MYT1: variants seen among roughly 807,000 people sequenced by gnomAD.
MYT1 encodes the protein myelin transcription factor 1.
Under a neutral mutation model 123.0 loss-of-function variants are expected in MYT1, and 23 were observed. The observed-to-expected ratio is 0.19, with a 90% CI of 0.13 to 0.26. The LOEUF (loss-of-function observed/expected upper bound fraction) is 0.26, where lower values mean the gene tolerates loss of function less well. Among genes scored for constraint, MYT1 ranks in the 10% least tolerant of loss-of-function variants. The pLI is 1.00. For missense variants in MYT1, 1,125 were observed against 1,472.5 expected, an observed-to-expected ratio of 0.76 and a Z score of 3.86; for synonymous variants, 518 against 575.3, an observed-to-expected ratio of 0.90 and a Z score of 1.43.
chr20:64,211,803 G>A (rs1017704656), intron 8 of MYT1, among the ~76,000 whole-genome samples: 16 of 152,218 alleles, frequency 1.1e-4, no homozygotes, highest in Non-Finnish European at 1.5e-4. Context: ...TCTGCCGCAG[G>A]AGGGAGGGAC....
Position 64,205,784 on chromosome 20 carries a change from C to T in MYT1, c.381C>T (p.Arg127=). 1.2e-6 allele frequency: 2 copies of T among 1,613,970 alleles called. No homozygotes were observed. The highest frequency in any genetic ancestry group is 2.2e-5 in the East Asian group (1 of 44,880). Residue 127 remains arginine, a synonymous_variant, in exon 6 of 23, where the codon CGC becomes CGT. Transcript: ENST00000328439. ...AETSGQDEIH[R]PETAEGRSPV... is the part of the protein sequence containing the mutation. ...CGTCAGGACAGGACGAGATTCATCG[C>T]CCCGAGACAGCTGAAGGTGCTTTGT... is the stretch of plus-strand genomic sequence containing the variant.
At chr20:64,205,481 G>A (rs1601712364) in intron 5 of MYT1, 72 bp from the exon 6 acceptor site, 5 of 1,569,378 alleles carry the variant, frequency 3.2e-6, no homozygotes, top group East Asian at 2.2e-5. Context: ...CCCTCGGGAG[G>A]GGCTCATGGG....
At chr20:64,227,556 C>T in intron 17 of MYT1, 79 bp downstream of exon 17, 8 of 1,296,734 alleles carry the variant, frequency 6.2e-6, no homozygotes, top group Non-Finnish European at 8.7e-6. Context: ...TTAGAAGACA[C>T]TAATGTTGCT....
chr20:64,195,851 T>C (rs1225753657), intron 2 of MYT1, among the ~76,000 whole-genome samples: 1 of 152,214 alleles, frequency 6.6e-6, no homozygotes, highest in Non-Finnish European at 1.5e-5. Context: ...GAGACAGTTC[T>C]CTTGGGTTAA....
rs1984690296 is a variant in MYT1 at position 64,240,544 on chromosome 20, C to T, written c.*96C>T. 4.1e-6 allele frequency: 6 copies of T among 1,461,474 alleles called. No individual in the cohort carries two copies. Among genetic ancestry groups the T allele is most frequent in the South Asian group, 1.4e-5 (1 of 70,382 alleles). The allele number at this position is 1,461,474 out of a possible 1,614,324, so 90.5% of individuals were successfully genotyped here. A position where few individuals can be genotyped will look rare whatever the true frequency, so the allele number is the denominator to read the frequency against. On this transcript the variant is annotated 3_prime_UTR_variant, in exon 23 of 23. Coordinates refer to ENST00000328439, the MANE Select transcript of MYT1 (RefSeq NM_004535.3). Reference sequence around the variant, plus strand: ...GGATGCCCAACTCACAGTGACTTCCCGTTTGGGGCCCGGTGTGGCCGCGGG... The same window carrying T: ...GGATGCCCAACTCACAGTGACTTCCTGTTTGGGGCCCGGTGTGGCCGCGGG...
In MYT1 at chr20:64,239,868, A is replaced by G. The variant is rs764643684; in HGVS notation, c.3202A>G (p.Ile1068Val). Residue 1068 changes from isoleucine (I) to valine (V), a missense_variant, in exon 22 of 23, where the codon ATC (isoleucine) becomes GTC (valine). Transcript: ENST00000328439. The stretch of plus-strand genomic sequence containing the variant: ...GCTGTCCGGCCTGAGCCAGGCCCTC[A>G]TCCAAAGTCTCGCCAATATCCGCCT... ...LELSGLSQAL[I>V]QSLANIRLPH... 1 of 1,613,666 alleles carries G rather than the reference A, an allele frequency of 6.2e-7. No homozygotes were observed. Among genetic ancestry groups the G allele is most frequent in the Non-Finnish European group, 8.5e-7 (1 of 1,180,018 alleles).
chr20:64,205,308 G>T (rs1185815356), intron 5 of MYT1, among the ~76,000 whole-genome samples: 1 of 140,456 alleles, frequency 7.1e-6, no homozygotes, highest in Non-Finnish European at 1.6e-5. Context: ...CTGACCTCCC[G>T]CGAGGCAGCG....
intron 1 of MYT1, among the ~76,000 whole-genome samples, chr20:64,170,865 A>G (rs1197429030): frequency 1.8e-5 from 1 of 55,528 alleles, no homozygotes; most frequent in East Asian, 5.2e-4. Flanking sequence ...ATATATATAT[A>G]TATATATATA....
At chr20:64,200,593 T>C (rs1983265263) in intron 4 of MYT1, among the ~76,000 whole-genome samples, 1 of 152,062 alleles carries the variant, frequency 6.6e-6, no homozygotes, top group Non-Finnish European at 1.5e-5. Flanking sequence ...AACTTGGAGA[T>C]GAAGGGGGAG....
rs1392157374 is a variant in MYT1 at position 64,192,093 on chromosome 20, CAG to C, written c.-1+1938_-1+1939del. On this transcript the variant is annotated intron_variant, in intron 2 of 22. Coordinates refer to ENST00000328439, the MANE Select transcript of MYT1 (RefSeq NM_004535.3). This position sits in a 1 kb window ranked among gnomAD's most constrained non-coding sequence, Gnocchi z 5.3. ...CCCCCTGGCCCAGACATGACAAACT[CAG>C]AGAGTTTGGGACCTACCATGACAAC... is the stretch of plus-strand genomic sequence containing the variant. Among the ~76,000 whole-genome samples the C allele has an allele frequency of 6.6e-6, 1 of 152,170 alleles. No homozygotes were observed. Among genetic ancestry groups the C allele is most frequent in the African/African-American group, 2.4e-5 (1 of 41,440 alleles).
At chr20:64,199,976 G>C in intron 4 of MYT1, 54 bp downstream of exon 4, 1 of 1,599,496 alleles carries the variant, frequency 6.3e-7, no homozygotes, top group East Asian at 2.2e-5. Context: ...TGTGACCCTG[G>C]AGATATCCTA....
chr20:64,171,056 C>T (rs1225916045), intron 1 of MYT1, among the ~76,000 whole-genome samples: 2 of 145,982 alleles, frequency 1.4e-5, no homozygotes, highest in African/African-American at 2.5e-5. Context: ...ACTGCAGATG[C>T]GTGCCACCAA....
intron 18 of MYT1, among the ~76,000 whole-genome samples, chr20:64,230,820 C>A (rs1215519884): frequency 6.6e-6 from 1 of 152,098 alleles, no homozygotes; most frequent in Non-Finnish European, 1.5e-5. Context: ...GGATGAGTAA[C>A]AAAGGGAAAA....
intron 1 of MYT1, among the ~76,000 whole-genome samples, chr20:64,187,964 T>A (rs1203443899): frequency 6.6e-6 from 1 of 152,202 alleles, no homozygotes; most frequent in Non-Finnish European, 1.5e-5. Flanking sequence ...AGTGGCTCTT[T>A]GGAGGAGCAG....
chr20:64,179,928 A>T (rs1019959115), intron 1 of MYT1, among the ~76,000 whole-genome samples: 1 of 101,972 alleles, frequency 9.8e-6, no homozygotes, highest in Non-Finnish European at 1.9e-5. Flanking sequence ...AGTTATACAC[A>T]CATGCTACAC....
At chr20:64,179,464 T>C (rs184910395) in intron 1 of MYT1, among the ~76,000 whole-genome samples, 15 of 152,332 alleles carry the variant, frequency 9.8e-5, no homozygotes, top group Non-Finnish European at 2.1e-4. Flanking sequence ...TAATAAATAT[T>C]TGGGGGGAAG....
At chr20:64,239,298 C>G (rs892564199) in intron 21 of MYT1, among the ~76,000 whole-genome samples, 1 of 152,046 alleles carries the variant, frequency 6.6e-6, no homozygotes, top group Non-Finnish European at 1.5e-5. Context: ...TGACACTCCA[C>G]GGGGGGGTGC....
intron 1 of MYT1, among the ~76,000 whole-genome samples, chr20:64,188,619 A>G (rs1335218982): frequency 6.6e-6 from 1 of 152,176 alleles, no homozygotes; most frequent in Non-Finnish European, 1.5e-5. Flanking sequence ...GAATCTTCCA[A>G]TATGCTTTTC....
At position 64,219,838 on chromosome 20, in the gene MYT1, C is replaced by T. The variant is rs117853857; in HGVS notation, c.2097C>T (p.Asp699=). Residue 699 remains aspartate (D), a synonymous_variant, in exon 13 of 23, where the codon GAC becomes GAT. Coordinates refer to ENST00000328439, the MANE Select transcript of MYT1 (RefSeq NM_004535.3). ...CSSSPGVKSP[D]ASQRHSSTSA... Reference sequence around the variant, plus strand: ...GCAGCCCCGGTGTGAAGTCTCCCGACGCCTCCCAGCGCCACAGCAGCACCA... The same window carrying T: ...GCAGCCCCGGTGTGAAGTCTCCCGATGCCTCCCAGCGCCACAGCAGCACCA... 240 of 1,610,316 alleles carry T rather than the reference C, an allele frequency of 1.5e-4. No individual in the cohort carries two copies. In the East Asian group the frequency reaches 4.6e-3, roughly 31 times the overall value.
Sources: allele counts gnomAD v4.1 joint callset (sites outside exome capture counted in the v4.1 genomes callset), GRCh38; gene constraint gnomAD v4.1.1; non-coding constraint Gnocchi (gnomAD v3.1); transcripts MANE v1.5; gene names NCBI Gene and HGNC (gene_info 2026-07-23, HGNC 2026-07-21).